TOR1A: variants seen among roughly 807,000 people sequenced by gnomAD.
The protein encoded by TOR1A is torsin family 1 member A.
In TOR1A, 18 loss-of-function variants were observed where a neutral mutation model predicts 31.4. The ratio of observed to expected loss-of-function variants is 0.57; its 90% CI spans 0.40 to 0.85. The LOEUF (loss-of-function observed/expected upper bound fraction) is 0.85. TOR1A is among the 40% of genes least tolerant of loss of function. The pLI, the probability that TOR1A is intolerant of heterozygous loss-of-function variation, is 0.00. For missense variants in TOR1A, 375 were observed against 416.4 expected (o/e 0.90, Z 0.87); for synonymous variants, 168 against 165.9 (o/e 1.01, Z -0.10).
intron 2 of TOR1A, among the ~76,000 whole-genome samples, chr9:129,821,115 C>A (rs2031175256): frequency 6.6e-6 from 1 of 152,100 alleles, no homozygotes; most frequent in Admixed American, 6.5e-5. Flanking sequence ...CCAGCCTGGC[C>A]AACAAGGTGA....
At chr9:129,823,309 C>T in intron 1 of TOR1A, 1 of 296,968 alleles carries the variant, frequency 3.4e-6, no homozygotes, top group Non-Finnish European at 6.6e-6. Context: ...GGCCAACCTG[C>T]AGCCTGGCTC....
In TOR1A at chr9:129,813,557, AC is replaced by A. The variant is rs35153737; in HGVS notation, c.*414del. ...AATAATGATGAGAACTTAAAAAAAA[AC>A]ACACACACAAGGCCAACAACTTAGA... On this transcript the variant is annotated 3_prime_UTR_variant, in exon 5 of 5. Transcript: ENST00000351698. 0.12 allele frequency: 34,455 copies of A among 293,888 alleles called. 2,130 individuals carry two copies. The highest frequency in any genetic ancestry group is 0.2 in the African/African-American group (8,648 of 43,302). 18.2% of individuals were successfully genotyped at this position (293,888 alleles called of 1,614,324 possible).
Position 129,818,885 on chromosome 9 carries a change from A to G in TOR1A, c.480T>C (p.Ser160=). Residue 160 remains serine, a synonymous_variant, in exon 3 of 5, where the codon AGT becomes AGC. Coordinates refer to ENST00000351698, the MANE Select transcript of TOR1A (RefSeq NM_000113.3). The part of the protein sequence containing the change: ...QLQLWIRGNV[S]ACARSIFIFD... ...ATATGAAGATGGACCTCGCACAGGC[A>G]CTCACGTTGCCTCGAATCCACAACT... is the stretch of plus-strand genomic sequence containing the variant. 1.2e-6 allele frequency: 2 copies of G among 1,613,776 alleles called. No individual in the cohort carries two copies. Among genetic ancestry groups the G allele is most frequent in the Non-Finnish European group, 1.7e-6 (2 of 1,180,006 alleles).
intron 1 of TOR1A, 129 bp from the exon 2 acceptor site, chr9:129,822,975 T>C: frequency 1.5e-6 from 2 of 1,342,468 alleles, no homozygotes; most frequent in South Asian, 1.2e-5. Context: ...CCTCAAGTAC[T>C]GCGGTCTGTA....
At chr9:129,815,783 A>G (rs966202712) in intron 4 of TOR1A, among the ~76,000 whole-genome samples, 3 of 152,032 alleles carry the variant, frequency 2.0e-5, no homozygotes, top group Non-Finnish European at 4.4e-5. Context: ...CACCCTTCCC[A>G]TCGCTCAAGC....
chr9:129,818,971 A>C, intron 2 of TOR1A, 51 bp from the exon 3 acceptor site: 1 of 1,593,984 alleles, frequency 6.3e-7, no homozygotes, highest in Non-Finnish European at 8.5e-7. Context: ...CAGGGCCATC[A>C]ATCAGCTCCT....
In TOR1A at chr9:129,822,828, T is replaced by G; in HGVS notation, c.197A>C (p.Asp66Ala). ...LSREALQKDL[D>A]DNLFGQHLAK... Reference sequence around the variant, plus strand: ...AAGATGCTGTCCAAAGAGGTTGTCGTCCAGATCCTTCTGCAGTGCTGGGAA... The same window carrying G: ...AAGATGCTGTCCAAAGAGGTTGTCGGCCAGATCCTTCTGCAGTGCTGGGAA... The change falls in exon 2 of 5, where the codon GAC (aspartate) becomes GCC (alanine). Residue 66 changes from aspartate (D) to alanine (A), a missense_variant. Transcript: ENST00000351698. 6.2e-7 allele frequency: 1 copy of G among 1,614,154 alleles called. No individual in the cohort carries two copies. The highest frequency in any genetic ancestry group is 8.5e-7 in the Non-Finnish European group (1 of 1,180,018).
chr9:129,814,743 C>T (rs750932612), intron 4 of TOR1A, among the ~76,000 whole-genome samples: 9 of 151,614 alleles, frequency 5.9e-5, no homozygotes, highest in Non-Finnish European at 1.2e-4. Context: ...GGCAGAGTTC[C>T]ACAGAAAGCG....
chr9:129,819,097 T>C (rs1400045572), intron 2 of TOR1A, among the ~76,000 whole-genome samples, 177 bp from the exon 3 acceptor site: 1 of 152,126 alleles, frequency 6.6e-6, no homozygotes, highest in African/African-American at 2.4e-5. Context: ...GCACTATCGT[T>C]CTCATTTTAC....
In TOR1A at chr9:129,813,719, G is replaced by A. The variant is rs1449967057; in HGVS notation, c.*253C>T. 7 of 585,210 alleles carry A rather than the reference G, an allele frequency of 1.2e-5. No homozygotes were observed. The highest frequency in any genetic ancestry group is 1.9e-5 in the African/African-American group (1 of 53,576). 36.3% of individuals were successfully genotyped at this position (585,210 alleles called of 1,614,324 possible). ...ATTTGTAAAAAATCATGAGCCCTGC[G>A]ATGAGTGGGCTGGGAGCTGGCTCCT... On this transcript the variant is annotated 3_prime_UTR_variant, in exon 5 of 5. Transcript: ENST00000351698.
chr9:129,813,920 T>C lies in TOR1A; in HGVS notation c.*52A>G. 1.9e-6 allele frequency: 3 copies of C among 1,608,134 alleles called. No homozygotes were observed. The highest frequency in any genetic ancestry group is 1.7e-6 in the Non-Finnish European group (2 of 1,178,702). On this transcript the variant is annotated 3_prime_UTR_variant, in exon 5 of 5. Coordinates refer to ENST00000351698, the MANE Select transcript of TOR1A (RefSeq NM_000113.3). The stretch of plus-strand genomic sequence containing the variant: ...GGGGTGGAAGTGTGGAAGGACTGAG[T>C]GTTGTTTCTTTTCCAACTCCAGGCA...
chr9:129,816,446 A>C (rs2031041842), intron 4 of TOR1A, among the ~76,000 whole-genome samples: 1 of 152,210 alleles, frequency 6.6e-6, no homozygotes, highest in Non-Finnish European at 1.5e-5. Context: ...CAAACACATC[A>C]CACACATCAA....
In TOR1A at chr9:129,823,964, C is replaced by T. The variant is rs1040218821; in HGVS notation, c.122G>A (p.Arg41His). Residue 41 changes from arginine to histidine, a missense_variant, in exon 1 of 5, where the codon CGT becomes CAT. Arg to His is a conservative substitution (Grantham distance 29). Transcript: ENST00000351698. ...AGVLTGYIYPRLYCLFAECCG... is the reference protein window; with the variant it reads ...AGVLTGYIYPHLYCLFAECCG... ...GCACTCGGCGAAGAGGCAGTAGAGA[C>T]GCGGGTAGATGTAGCCGGTGAGGAC... is the stretch of plus-strand genomic sequence containing the variant. The T allele has an allele frequency of 2.5e-6, 4 of 1,611,194 alleles. No individual in the cohort carries two copies. Among genetic ancestry groups the T allele is most frequent in the Non-Finnish European group, 2.5e-6 (3 of 1,179,472 alleles).
chr9:129,813,826 T>C lies in TOR1A; in HGVS notation c.*146A>G. 7.7e-7 allele frequency: 1 copy of C among 1,294,260 alleles called. No homozygotes were observed. Among genetic ancestry groups the C allele is most frequent in the East Asian group, 2.4e-5 (1 of 40,998 alleles). The allele number at this position is 1,294,260 out of a possible 1,614,324, so 80.2% of individuals were successfully genotyped here. Reference sequence around the variant, plus strand: ...TGCAGGCACCAGGGGGTGGAAACAATGCCAGGGAGAATTCCTGTCACATCA... The same window carrying C: ...TGCAGGCACCAGGGGGTGGAAACAACGCCAGGGAGAATTCCTGTCACATCA... On this transcript the variant is annotated 3_prime_UTR_variant, in exon 5 of 5. Coordinates refer to ENST00000351698, the MANE Select transcript of TOR1A (RefSeq NM_000113.3).
intron 4 of TOR1A, among the ~76,000 whole-genome samples, chr9:129,815,840 G>A (rs1239797082): frequency 1.3e-5 from 2 of 152,160 alleles, no homozygotes; most frequent in African/African-American, 4.8e-5. Flanking sequence ...TCTGCAGGAA[G>A]TCTTACAGGT....
Position 129,822,598 on chromosome 9 carries a change from T to C in TOR1A, c.427A>G (p.Asn143Asp), listed in dbSNP as rs2031210990. The stretch of plus-strand genomic sequence containing the variant: ...ATCCTTGCCTTGTACAAGGTGATGT[T>C]TGAAGCATGTGGAAAGTGCAATGTG... The part of the protein sequence containing the change: ...VATLHFPHAS[N>D]ITLYKDQLQL... Residue 143 changes from asparagine to aspartate, a missense_variant, in exon 2 of 5, where the codon AAC (asparagine) becomes GAC (aspartate). By Grantham distance (23) the Asn-to-Asp change is conservative (BLOSUM62 1). Transcript: ENST00000351698. 2.5e-6 allele frequency: 4 copies of C among 1,614,198 alleles called. No homozygotes were observed. The highest frequency in any genetic ancestry group is 3.4e-6 in the Non-Finnish European group (4 of 1,180,032).
Position 129,819,024 on chromosome 9 carries a change from A to G in TOR1A, c.445-104T>C. The G allele has an allele frequency of 5.3e-6, 7 of 1,317,584 alleles. No homozygotes were observed. The South Asian group carries it at 7.4e-5, about 14-fold the overall frequency. 81.6% of individuals were successfully genotyped at this position (1,317,584 alleles called of 1,614,324 possible). On this transcript the variant is annotated intron_variant, in intron 2 of 4. Transcript: ENST00000351698. Reference sequence around the variant, plus strand: ...CAGCTTCACTTACAGACCACTGTGCACTCGGCACTAAGAACTTTACATGCC... The same window carrying G: ...CAGCTTCACTTACAGACCACTGTGCGCTCGGCACTAAGAACTTTACATGCC...
rs776177911 is a variant in TOR1A at position 129,824,112 on chromosome 9, T to C, written c.-27A>G. ...CCCGGACCCGCGCCACCCTGCTTGT[T>C]CTCGCGCCGACCGCGAACCGGTGCA... On this transcript the variant is annotated 5_prime_UTR_variant, in exon 1 of 5. Coordinates refer to ENST00000351698, the MANE Select transcript of TOR1A (RefSeq NM_000113.3). 1.3e-6 allele frequency: 2 copies of C among 1,546,582 alleles called. No individual in the cohort carries two copies. Among genetic ancestry groups the C allele is most frequent in the East Asian group, 2.4e-5 (1 of 41,490 alleles).
intron 2 of TOR1A, 102 bp downstream of exon 2, chr9:129,822,479 G>A (rs770323357): frequency 2.1e-5 from 31 of 1,497,600 alleles, no homozygotes; most frequent in Admixed American, 1.3e-4. Flanking sequence ...ACCGTTTTCC[G>A]GGCTCACTCA....
Sources: allele counts gnomAD v4.1 joint callset (sites outside exome capture counted in the v4.1 genomes callset), GRCh38; gene constraint gnomAD v4.1.1; transcripts MANE v1.5; gene names NCBI Gene and HGNC (gene_info 2026-07-23, HGNC 2026-07-21).